PPP1R10: variants seen among roughly 807,000 people sequenced by gnomAD.
The protein encoded by PPP1R10 is serine/threonine-protein phosphatase 1 regulatory subunit 10.
A neutral mutation model predicts 99.0 loss-of-function variants in PPP1R10; 15 were observed. The observed-to-expected ratio is 0.15, with a 90% CI of 0.10 to 0.23. PPP1R10 has a LOEUF of 0.23. PPP1R10 is among the 10% of genes least tolerant of loss of function. PPP1R10 has a pLI of 1.00. For missense variants in PPP1R10, 947 were observed against 1,259.4 expected, an observed-to-expected ratio of 0.75 and a Z score of 3.75; for synonymous variants, 430 against 449.5, an observed-to-expected ratio of 0.96 and a Z score of 0.55.
chr6:30,612,375 G>C (rs1037784548), intron 2 of PPP1R10, among the ~76,000 whole-genome samples: 2 of 152,162 alleles, frequency 1.3e-5, no homozygotes, highest in Non-Finnish European at 2.9e-5. Flanking sequence ...AAGAGGATGG[G>C]AGACAAGAAA....
Position 30,605,907 on chromosome 6 carries a change from C to G in PPP1R10, c.853+16G>C, listed in dbSNP as rs1373614734. The G allele has an allele frequency of 6.3e-7, 1 of 1,594,378 alleles. No homozygotes were observed. The highest frequency in any genetic ancestry group is 8.6e-7 in the Non-Finnish European group (1 of 1,167,860). ...TGCTCCTAATTCAAAGTACATCTTCCCCACTTTAGACTCACGCTGTGGCGG... is the reference window on the plus strand; with the variant it reads ...TGCTCCTAATTCAAAGTACATCTTCGCCACTTTAGACTCACGCTGTGGCGG... On this transcript the variant is annotated intron_variant, in intron 10 of 19. Transcript: ENST00000376511.
chr6:30,609,013 C>T lies in PPP1R10; in HGVS notation c.194+64G>A, dbSNP rs1278732859. 1 of 1,611,352 alleles carries T rather than the reference C, an allele frequency of 6.2e-7. No homozygotes were observed. Among genetic ancestry groups the T allele is most frequent in the South Asian group, 1.1e-5 (1 of 90,976 alleles). On this transcript the variant is annotated intron_variant, in intron 4 of 19. Transcript: ENST00000376511. The surrounding 1 kb of genome is among the most constrained non-coding windows in gnomAD (Gnocchi z 4.5). ...TCTCCCATCAATGACCGAGGAACCC[C>T]ATGCCTCACCGCCCCATCTTTTCGC...
At chr6:30,616,081 C>G (rs929909206) in intron 2 of PPP1R10, among the ~76,000 whole-genome samples, 5 of 152,204 alleles carry the variant, frequency 3.3e-5, no homozygotes, top group African/African-American at 1.2e-4. Flanking sequence ...GCCACAAGAT[C>G]CACCATCTCT....
chr6:30,605,063 A>G lies in PPP1R10; in HGVS notation c.885T>C (p.Leu295=), dbSNP rs759465849. The change falls in exon 11 of 20, where the codon CTT becomes CTC. Residue 295 remains leucine (L), a synonymous_variant. Coordinates refer to ENST00000376511, the MANE Select transcript of PPP1R10 (RefSeq NM_002714.4). ...TGATGCCTGGAACAGGGGCTGAATT[A>G]AGAGCATCCAGAAAGCCCAGGCCCT... ...PMEGLGFLDA[L]NSAPVPGIKI... is the part of the protein sequence containing the mutation. 3 of 1,613,004 alleles carry G rather than the reference A, an allele frequency of 1.9e-6. No individual in the cohort carries two copies. In the Admixed American group the frequency reaches 5.0e-5, roughly 27 times the overall value.
At position 30,609,051 on chromosome 6, in the gene PPP1R10, T is replaced by C. The variant is rs1394059773; in HGVS notation, c.194+26A>G. ...CCCATCTTTTCGCTACACCTTCCCATTCCAACCATCCAGATCCCCACTTAC... is the reference window on the plus strand; with the variant it reads ...CCCATCTTTTCGCTACACCTTCCCACTCCAACCATCCAGATCCCCACTTAC... On this transcript the variant is annotated intron_variant, in intron 4 of 19. Coordinates refer to ENST00000376511, the MANE Select transcript of PPP1R10 (RefSeq NM_002714.4). The surrounding 1 kb of genome is among the most constrained non-coding windows in gnomAD (Gnocchi z 4.5). 2 of 1,613,956 alleles carry C rather than the reference T, an allele frequency of 1.2e-6. No homozygotes were observed. The highest frequency in any genetic ancestry group is 4.5e-5 in the East Asian group (2 of 44,876).
Position 30,602,394 on chromosome 6 carries a change from C to T in PPP1R10, c.2255G>A (p.Arg752His), listed in dbSNP as rs747071643. 1.1e-5 allele frequency: 18 copies of T among 1,612,664 alleles called. No homozygotes were observed. Among genetic ancestry groups the T allele is most frequent in the South Asian group, 3.3e-5 (3 of 91,074 alleles). The change falls in exon 19 of 20, where the codon CGT (arginine) becomes CAT (histidine). Residue 752 changes from arginine to histidine, a missense_variant. Around this residue, in one of 10 missense-constraint regions of PPP1R10, gnomAD observed 525 missense variants for 578.8 expected, o/e 0.91. Transcript: ENST00000376511. The surrounding 1 kb of genome is among the most constrained non-coding windows in gnomAD (Gnocchi z 6.7). ...GCCCCCACCAGGGCCTTCGTGAGGA[C>T]GATGCCCACCACCTCCAACCATGCC... is the stretch of plus-strand genomic sequence containing the variant. ...GGGMVGGGGH[R>H]PHEGPGGGMG...
chr6:30,609,022 C>G lies in PPP1R10; in HGVS notation c.194+55G>C. 6.2e-7 allele frequency: 1 copy of G among 1,612,012 alleles called. No individual in the cohort carries two copies. The highest frequency in any genetic ancestry group is 8.5e-7 in the Non-Finnish European group (1 of 1,178,142). On this transcript the variant is annotated intron_variant, in intron 4 of 19. Coordinates refer to ENST00000376511, the MANE Select transcript of PPP1R10 (RefSeq NM_002714.4). This position sits in a 1 kb window ranked among gnomAD's most constrained non-coding sequence, Gnocchi z 4.5. The stretch of plus-strand genomic sequence containing the variant: ...AATGACCGAGGAACCCCATGCCTCA[C>G]CGCCCCATCTTTTCGCTACACCTTC...
rs1415526398 is a variant in PPP1R10, at chr6:30,609,905, C to T, written c.40G>A (p.Gly14Ser). The T allele has an allele frequency of 1.2e-6, 2 of 1,614,054 alleles. No individual in the cohort carries two copies. Among genetic ancestry groups the T allele is most frequent in the South Asian group, 2.2e-5 (2 of 91,076 alleles). ...GPIDPKELLKGLDSFLNRDGE... is the reference protein window; with the variant it reads ...GPIDPKELLKSLDSFLNRDGE... ...TCTCGGTTAAGGAAGCTGTCCAGGC[C>T]CTTGAGAAGTTCTTTGGGGTCTATG... Residue 14 changes from glycine (G) to serine (S), a missense_variant, in exon 3 of 20, where the codon GGC (glycine) becomes AGC (serine). By Grantham distance (56) the Gly-to-Ser change is moderately conservative (BLOSUM62 0). Around this residue, in one of 10 missense-constraint regions of PPP1R10, gnomAD observed 82 missense variants for 117.3 expected, o/e 0.70. Transcript: ENST00000376511. The surrounding 1 kb of genome is among the most constrained non-coding windows in gnomAD (Gnocchi z 4.5).
At position 30,604,171 on chromosome 6, in the gene PPP1R10, G is replaced by A. The variant is rs1803677439; in HGVS notation, c.1345C>T (p.Arg449Cys). 1.2e-6 allele frequency: 2 copies of A among 1,614,140 alleles called. No homozygotes were observed. The highest frequency in any genetic ancestry group is 1.7e-6 in the Non-Finnish European group (2 of 1,180,020). The change falls in exon 14 of 20, where the codon CGT becomes TGT. Residue 449 changes from arginine to cysteine, a missense_variant. Physicochemically the swap from Arg to Cys is radical, Grantham distance 180 (BLOSUM62 -3). Transcript: ENST00000376511. This position sits in a 1 kb window ranked among gnomAD's most constrained non-coding sequence, Gnocchi z 7.3. ...SDRHAFETAR[R>C]LSHDNMEEKV... ...TCCTCCATGTTATCATGGCTCAGACGCCGCGCTGTCTCAAATGCATGTCGG... is the reference window on the plus strand; with the variant it reads ...TCCTCCATGTTATCATGGCTCAGACACCGCGCTGTCTCAAATGCATGTCGG...
At chr6:30,614,308 A>AAAAATGAAAGTTGTG (rs1804859664) in intron 2 of PPP1R10, among the ~76,000 whole-genome samples, 1 of 152,174 alleles carries the variant, frequency 6.6e-6, no homozygotes, top group Non-Finnish European at 1.5e-5. Context: ...GGGAAAAAAA[A>AAAAATGAAAGTTGTG]AAAATGAAAG....
At position 30,601,559 on chromosome 6, in the gene PPP1R10, G is replaced by T. The variant is rs1803317203; in HGVS notation, c.2813C>A (p.Pro938His). The T allele has an allele frequency of 6.2e-7, 1 of 1,613,884 alleles. No homozygotes were observed. The highest frequency in any genetic ancestry group is 1.3e-5 in the African/African-American group (1 of 74,920). Reference sequence around the variant, plus strand: ...GCAGGCAAATGGTCCCTAGGGCAGGGGGGGCCCATTGACACCCGGGTGGTA... The same window carrying T: ...GCAGGCAAATGGTCCCTAGGGCAGGTGGGGCCCATTGACACCCGGGTGGTA... ...AFYHPGVNGP[P>H]LP Residue 938 changes from proline to histidine, a missense_variant, in exon 20 of 20, where the codon CCC becomes CAC. Pro to His is a moderately conservative substitution (Grantham distance 77). Coordinates refer to ENST00000376511, the MANE Select transcript of PPP1R10 (RefSeq NM_002714.4).
intron 6 of PPP1R10, among the ~76,000 whole-genome samples, chr6:30,607,294 A>G (rs1486587160): frequency 2.0e-5 from 3 of 152,244 alleles, no homozygotes; most frequent in Admixed American, 2.0e-4. Flanking sequence ...TAGTTGCTTT[A>G]TGTATAACAC....
chr6:30,608,492 G>A (rs1345760549), intron 5 of PPP1R10, among the ~76,000 whole-genome samples: 4 of 151,936 alleles, frequency 2.6e-5, no homozygotes, highest in Non-Finnish European at 5.9e-5. Flanking sequence ...TAGTGGAGAC[G>A]GGGTTTCACC....
chr6:30,611,696 G>A (rs1224737966), intron 2 of PPP1R10, among the ~76,000 whole-genome samples: 1 of 152,198 alleles, frequency 6.6e-6, no homozygotes, highest in Non-Finnish European at 1.5e-5. Context: ...GAGGCAGCCA[G>A]GAAGGGTAGG....
chr6:30,606,369 T>C lies in PPP1R10; in HGVS notation c.634+99A>G. On this transcript the variant is annotated intron_variant, in intron 8 of 19. Coordinates refer to ENST00000376511, the MANE Select transcript of PPP1R10 (RefSeq NM_002714.4). This position sits in a 1 kb window ranked among gnomAD's most constrained non-coding sequence, Gnocchi z 6.3. ...AAGCTTCCTCTGCTAGTCTTCCCTC[T>C]TCCTTACGATTAACATACCACACAT... is the stretch of plus-strand genomic sequence containing the variant. 6.4e-7 allele frequency: 1 copy of C among 1,573,280 alleles called. No homozygotes were observed. The highest frequency in any genetic ancestry group is 1.4e-5 in the African/African-American group (1 of 73,994).
At chr6:30,615,917 A>G (rs1760464248) in intron 2 of PPP1R10, among the ~76,000 whole-genome samples, 1 of 152,230 alleles carries the variant, frequency 6.6e-6, no homozygotes, top group Non-Finnish European at 1.5e-5. Context: ...ATTAAAATTG[A>G]GAGGATTTAA....
intron 2 of PPP1R10, among the ~76,000 whole-genome samples, chr6:30,610,816 G>A (rs1252377418): frequency 6.6e-6 from 1 of 152,166 alleles, no homozygotes; most frequent in African/African-American, 2.4e-5. Context: ...CCTAAAAAGG[G>A]AACAGATAAA....
rs1446142992 is a variant in PPP1R10, at chr6:30,602,856, T to A, written c.1947A>T (p.Gly649=). ...TTACTCACCACCTACCTGGCATAGG[T>A]CCCCCAGGTCCAGGGGGAAAGTGCT... is the stretch of plus-strand genomic sequence containing the variant. The part of the protein sequence containing the change: ...GMQHFPPGPG[G]PMPGPHGGPG... Residue 649 remains glycine, a synonymous_variant, in exon 18 of 20, where the codon GGA becomes GGT. Coordinates refer to ENST00000376511, the MANE Select transcript of PPP1R10 (RefSeq NM_002714.4). The surrounding 1 kb of genome is among the most constrained non-coding windows in gnomAD (Gnocchi z 6.7). 6.4e-7 allele frequency: 1 copy of A among 1,554,400 alleles called. No homozygotes were observed. Among genetic ancestry groups the A allele is most frequent in the Non-Finnish European group, 8.7e-7 (1 of 1,148,174 alleles).
intron 2 of PPP1R10, among the ~76,000 whole-genome samples, chr6:30,611,668 A>G (rs1430045921): frequency 2.0e-5 from 3 of 152,100 alleles, no homozygotes; most frequent in Non-Finnish European, 2.9e-5. Flanking sequence ...CTAGGCGAGC[A>G]GCAGCAGAAG....
Sources: gnomAD v4.1 joint callset for allele counts (sites outside exome capture counted in the v4.1 genomes callset) on GRCh38, gnomAD v4.1.1 for gene constraint, gnomAD v4.1.1 regional missense constraint, Gnocchi (gnomAD v3.1) non-coding constraint, MANE v1.5 for transcripts, NCBI Gene and HGNC (gene_info 2026-07-23, HGNC 2026-07-21) for gene names.